The following WWOX variants were observed in gnomAD, a reference collection of about 807,000 sequenced individuals.
The protein encoded by WWOX is WW domain containing oxidoreductase.
In WWOX, 69 loss-of-function variants were observed where a neutral mutation model predicts 46.2. The ratio of observed to expected loss-of-function variants is 1.49; its 90% CI spans 1.23 to 1.82. The LOEUF (loss-of-function observed/expected upper bound fraction) is 1.82, where lower values mean the gene tolerates loss of function less well. Ranked by LOEUF, WWOX falls within the 40% of genes most tolerant of loss-of-function variation. The probability of loss-of-function intolerance (pLI) is 0.00; values close to 1 mark genes in which losing one functional copy is unlikely to be tolerated. For missense variants in WWOX, 919 were observed against 542.6 expected, an observed-to-expected ratio of 1.69 and a Z score of -6.89; for synonymous variants, 359 against 202.6, an observed-to-expected ratio of 1.77 and a Z score of -6.56.
chr16:79,101,851 T>C (rs1038940761), intron 8 of WWOX: 3 of 150,660 alleles, frequency 2.0e-5, no homozygotes, highest in African/African-American at 7.3e-5. Flanking sequence ...ATGGCTGTGG[T>C]TTTCAAGAAG....
chr16:78,913,007 C>G (rs188926966), intron 8 of WWOX, among the ~76,000 whole-genome samples: 4 of 152,050 alleles, frequency 2.6e-5, no homozygotes, highest in Admixed American at 6.6e-5. Context: ...AGCCTTCCAT[C>G]TCTCGAGTTG....
intron 8 of WWOX, among the ~76,000 whole-genome samples, chr16:78,442,838 G>A (rs1452577198): frequency 1.3e-5 from 2 of 151,700 alleles, no homozygotes; most frequent in Non-Finnish European, 2.9e-5. Flanking sequence ...AAAAAAATTG[G>A]CTGGCTGGTC....
intron 8 of WWOX, among the ~76,000 whole-genome samples, chr16:78,676,818 G>T (rs997618425): frequency 2.0e-5 from 3 of 152,106 alleles, no homozygotes; most frequent in African/African-American, 7.2e-5. Flanking sequence ...ACTTTACCTT[G>T]ATAGGACCTC....
At chr16:78,602,297 A>G (rs1325364982) in intron 8 of WWOX, among the ~76,000 whole-genome samples, 2 of 151,760 alleles carry the variant, frequency 1.3e-5, no homozygotes, top group African/African-American at 2.4e-5. Context: ...CAGTGGTGTA[A>G]TCTCGGCTTA....
At chr16:79,070,241 C>A (rs1268675872) in intron 8 of WWOX, among the ~76,000 whole-genome samples, 1 of 149,958 alleles carries the variant, frequency 6.7e-6, no homozygotes, top group Non-Finnish European at 1.5e-5. Flanking sequence ...CATCATGCTC[C>A]AGTTTGTTCT....
At chr16:78,972,711 C>T (rs4888897) in intron 8 of WWOX, among the ~76,000 whole-genome samples, 10,015 of 152,238 alleles carry the variant, frequency 0.066, 632 homozygotes, top group East Asian at 0.16. Context: ...CCTCCCTGAC[C>T]TCAGGTCACC....
At chr16:78,694,013 G>A (rs117643118) in intron 8 of WWOX, among the ~76,000 whole-genome samples, 1,973 of 152,050 alleles carry the variant, frequency 0.013, 19 homozygotes, top group South Asian at 0.035. Context: ...CAGGTGGATC[G>A]GTTGAGGTCA....
rs117796405 is a variant in WWOX, at chr16:78,762,460, A to T, written c.1056+329708A>T. ...CTTCCCACTGAGTCGAATAGACATT[A>T]AGTGAGCCTTCCTTATGTGCTCAGC... On this transcript the variant is annotated intron_variant, in intron 8 of 8. Coordinates refer to ENST00000566780, the MANE Select transcript of WWOX (RefSeq NM_016373.4). Among the ~76,000 whole-genome samples, 21 of 152,304 alleles carry T rather than the reference A, an allele frequency of 1.4e-4. No individual in the cohort carries two copies. The East Asian group carries it at 4.1e-3, about 29-fold the overall frequency.
intron 8 of WWOX, among the ~76,000 whole-genome samples, chr16:79,050,852 C>G (rs970824190): frequency 1.3e-5 from 2 of 152,218 alleles, no homozygotes; most frequent in African/African-American, 4.8e-5. Flanking sequence ...ACTTCTTGCA[C>G]TGAGCTTTAC....
At chr16:79,130,675 A>G (rs1213421070) in intron 8 of WWOX, among the ~76,000 whole-genome samples, 3 of 152,220 alleles carry the variant, frequency 2.0e-5, no homozygotes, top group African/African-American at 7.2e-5. Context: ...GGCAACAAGA[A>G]ACAATGACTA....
intron 4 of WWOX, among the ~76,000 whole-genome samples, chr16:78,148,895 C>A (rs1442986628): frequency 3.9e-5 from 2 of 51,022 alleles, no homozygotes; most frequent in African/African-American, 1.7e-4. Flanking sequence ...AAGACTCCGT[C>A]TCAAAAAAAA....
chr16:78,126,829 T>C (rs2033382679), intron 4 of WWOX, among the ~76,000 whole-genome samples: 1 of 152,188 alleles, frequency 6.6e-6, no homozygotes, highest in South Asian at 2.1e-4. Flanking sequence ...GCAATGGTGG[T>C]GGAGTCCCAA....
At chr16:78,293,436 C>T (rs565177036) in intron 5 of WWOX, among the ~76,000 whole-genome samples, 18 of 152,256 alleles carry the variant, frequency 1.2e-4, no homozygotes, top group Admixed American at 7.8e-4. Flanking sequence ...AGCATCATTT[C>T]GCTGGGTTAC....
intron 4 of WWOX, among the ~76,000 whole-genome samples, 178 bp downstream of exon 4, chr16:78,115,332 C>T (rs748357292): frequency 6.6e-6 from 1 of 152,130 alleles, no homozygotes; most frequent in Non-Finnish European, 1.5e-5. Context: ...TCATGGAAGC[C>T]TGTGTAGGGG....
chr16:78,948,769 A>G (rs1338426592), intron 8 of WWOX, among the ~76,000 whole-genome samples: 1 of 152,180 alleles, frequency 6.6e-6, no homozygotes. Context: ...GTTACGTAAC[A>G]TGACAAAAGG....
intron 8 of WWOX, among the ~76,000 whole-genome samples, chr16:79,187,568 C>T (rs1433346609): frequency 6.6e-6 from 1 of 152,160 alleles, no homozygotes; most frequent in Non-Finnish European, 1.5e-5. Context: ...CACACCGCCA[C>T]CACGCCCAGC....
chr16:78,805,822 G>A (rs776958941), intron 8 of WWOX, among the ~76,000 whole-genome samples: 1 of 152,138 alleles, frequency 6.6e-6, no homozygotes, highest in Non-Finnish European at 1.5e-5. Flanking sequence ...TCTCCAAACT[G>A]TCAAGGACAG....
At chr16:79,023,600 T>C (rs967437258) in intron 8 of WWOX, among the ~76,000 whole-genome samples, 2 of 152,088 alleles carry the variant, frequency 1.3e-5, no homozygotes, top group African/African-American at 4.8e-5. Flanking sequence ...GAATGACGTT[T>C]TGGTCTGTGC....
chr16:78,743,242 G>A (rs1019756723), intron 8 of WWOX, among the ~76,000 whole-genome samples: 5 of 152,176 alleles, frequency 3.3e-5, no homozygotes, highest in African/African-American at 1.2e-4. Context: ...ATCTCTCTGA[G>A]TGCAAGGTGA....
Sources: gnomAD v4.1 joint callset for allele counts (sites outside exome capture counted in the v4.1 genomes callset) on GRCh38, gnomAD v4.1.1 for gene constraint, MANE v1.5 for transcripts, NCBI Gene and HGNC (gene_info 2026-07-23, HGNC 2026-07-21) for gene names.